The following RIMBP2 variants were observed in gnomAD, a reference collection of about 807,000 sequenced individuals.
RIMBP2 encodes RIMS binding protein 2, also known as RIMS-binding protein 2.
In RIMBP2, 48 loss-of-function variants were observed where a neutral mutation model predicts 118.6. The observed-to-expected ratio is 0.40, with a 90% confidence interval of 0.32 to 0.51. The LOEUF (loss-of-function observed/expected upper bound fraction) is 0.51, where lower values mean the gene tolerates loss of function less well. Ranked by LOEUF, RIMBP2 falls within the 20% of genes least tolerant of loss-of-function variation. The probability of loss-of-function intolerance (pLI) is 0.41; values close to 1 mark genes in which losing one functional copy is unlikely to be tolerated. For missense variants in RIMBP2, 1,551 were observed against 1,768.3 expected, an observed-to-expected ratio of 0.88 and a Z score of 2.20; for synonymous variants, 762 against 742.9, an observed-to-expected ratio of 1.03 and a Z score of -0.42.
At chr12:130,698,315 TTC>T (rs1388380436) in intron 1 of RIMBP2, among the ~76,000 whole-genome samples, 1 of 152,178 alleles carries the variant, frequency 6.6e-6, no homozygotes, top group African/African-American at 2.4e-5. Flanking sequence ...ACTTGCTCAC[TTC>T]AGAAGGCCGT....
chr12:130,561,488 C>T (rs1323875048), intron 2 of RIMBP2, among the ~76,000 whole-genome samples: 2 of 152,146 alleles, frequency 1.3e-5, no homozygotes, highest in Admixed American at 6.5e-5. Context: ...ACCCAATTTC[C>T]ACCTTCTTCT....
At chr12:130,584,506 ACCT>A (rs558966505) in intron 2 of RIMBP2, among the ~76,000 whole-genome samples, 2 of 137,696 alleles carry the variant, frequency 1.5e-5, no homozygotes, top group African/African-American at 2.8e-5. Flanking sequence ...CACCACCATC[ACCT>A]CATCACCACC....
intron 2 of RIMBP2, among the ~76,000 whole-genome samples, chr12:130,624,133 T>A (rs1013593102): frequency 6.6e-6 from 1 of 152,200 alleles, no homozygotes; most frequent in Non-Finnish European, 1.5e-5. Context: ...TGGGTGCCAA[T>A]GTACTCATAG....
chr12:130,406,281 A>G (rs1439332560), intron 20 of RIMBP2, 38 bp from the exon 21 acceptor site: 1 of 1,374,786 alleles, frequency 7.3e-7, no homozygotes, highest in Admixed American at 1.8e-5. Context: ...GTATTTTTCT[A>G]CACAACAGTA....
Position 130,688,833 on chromosome 12 carries a change from C to T in RIMBP2, c.-352+27389G>A, listed in dbSNP as rs7305227. ...ACTGCTCAGCTGAAACGTTTCGAACCAAGTCTAAACTCTGCAAAACGCTGG... is the reference window on the plus strand; with the variant it reads ...ACTGCTCAGCTGAAACGTTTCGAACTAAGTCTAAACTCTGCAAAACGCTGG... On this transcript the variant is annotated intron_variant, in intron 1 of 22. Transcript: ENST00000690449. The surrounding 1 kb of genome is among the most constrained non-coding windows in gnomAD (Gnocchi z 4.7). Among the ~76,000 whole-genome samples, 4,949 of 152,316 alleles carry T rather than the reference C, an allele frequency of 0.032. 275 individuals carry two copies. Among genetic ancestry groups the T allele is most frequent in the African/African-American group, 0.11 (4,623 of 41,544 alleles).
Position 130,523,396 on chromosome 12 carries a change from C to G in RIMBP2, c.-216-5479G>C, listed in dbSNP as rs545711383. ...GGAGAGCTCTGTCATTTAAGCTGCCCGGTCTGTGGGATCCTGCTATGGCAG... is the reference window on the plus strand; with the variant it reads ...GGAGAGCTCTGTCATTTAAGCTGCCGGGTCTGTGGGATCCTGCTATGGCAG... On this transcript the variant is annotated intron_variant, in intron 2 of 22. Coordinates refer to ENST00000690449, the MANE Select transcript of RIMBP2 (RefSeq NM_001393629.1). The surrounding 1 kb of genome is among the most constrained non-coding windows in gnomAD (Gnocchi z 4.4). 2.6e-5 allele frequency among the ~76,000 whole-genome samples: 4 copies of G among 152,174 alleles called. No individual in the cohort carries two copies. The highest frequency in any genetic ancestry group is 2.9e-5 in the Non-Finnish European group (2 of 68,032).
chr12:130,418,517 A>G (rs2136612512), intron 17 of RIMBP2, among the ~76,000 whole-genome samples: 1 of 152,230 alleles, frequency 6.6e-6, no homozygotes, highest in Non-Finnish European at 1.5e-5. Flanking sequence ...GAACTTAATG[A>G]CCATGTCAGT....
In RIMBP2 at chr12:130,644,712, A is replaced by C. The variant is rs553802394; in HGVS notation, c.-351-16256T>G. On this transcript the variant is annotated intron_variant, in intron 1 of 22. Coordinates refer to ENST00000690449, the MANE Select transcript of RIMBP2 (RefSeq NM_001393629.1). ...TAGCGAGTGACGTCGGAAAAGCCAC[A>C]GGACAGAGACCCTGAGCCCTCAGGA... is the stretch of plus-strand genomic sequence containing the variant. 1.2e-4 allele frequency among the ~76,000 whole-genome samples: 18 copies of C among 152,364 alleles called. No homozygotes were observed. The South Asian group carries it at 3.3e-3, about 28-fold the overall frequency.
At chr12:130,530,187 C>T (rs1028719564) in intron 2 of RIMBP2, among the ~76,000 whole-genome samples, 20 of 152,166 alleles carry the variant, frequency 1.3e-4, no homozygotes, top group African/African-American at 4.3e-4. Flanking sequence ...CAATCAACAA[C>T]AATCTGCGCC....
intron 22 of RIMBP2, 75 bp downstream of exon 22, chr12:130,399,604 T>C: frequency 2.7e-6 from 4 of 1,503,926 alleles, no homozygotes; most frequent in Non-Finnish European, 3.6e-6. Context: ...TATAAAAATA[T>C]CAGTGCAAAG....
intron 4 of RIMBP2, among the ~76,000 whole-genome samples, chr12:130,481,956 G>A (rs11060935): frequency 0.56 from 74,414 of 132,958 alleles, 20,730 homozygotes; most frequent in Non-Finnish European, 0.65. Context: ...ACCACCCACC[G>A]CCCACCACCA....
rs35015661 is a variant in RIMBP2 at position 130,409,332 on chromosome 12, C to CTTTTT, written c.3590-1508_3590-1504dup. Reference sequence around the variant, plus strand: ...TAAAAGGGACTCATACAAAATGTAGCTTTTTTTTTTTTTTTTTTTTTTTTT... The same window carrying CTTTTT: ...TAAAAGGGACTCATACAAAATGTAGCTTTTTTTTTTTTTTTTTTTTTTTTTTTTTT... On this transcript the variant is annotated intron_variant, in intron 19 of 22. Transcript: ENST00000690449. Among the ~76,000 whole-genome samples, 115 of 65,402 alleles carry CTTTTT rather than the reference C, an allele frequency of 1.8e-3. 20 individuals carry two copies. The highest frequency in any genetic ancestry group is 0.015 in the Middle Eastern group (1 of 68). 42.9% of individuals were successfully genotyped at this position (65,402 alleles called of 152,430 possible). A position where few individuals can be genotyped will look rare whatever the true frequency, so the allele number is the denominator to read the frequency against.
intron 1 of RIMBP2, among the ~76,000 whole-genome samples, chr12:130,631,310 A>G (rs1241261849): frequency 6.6e-6 from 1 of 152,220 alleles, no homozygotes; most frequent in Non-Finnish European, 1.5e-5. Context: ...ACACAATAAC[A>G]ACGTAACAAC....
At position 130,539,789 on chromosome 12, in the gene RIMBP2, G is replaced by A. The variant is rs540847607; in HGVS notation, c.-216-21872C>T. Among the ~76,000 whole-genome samples the A allele has an allele frequency of 2.1e-4, 18 of 85,524 alleles. 1 individual carries two copies. The South Asian group carries it at 2.4e-3, about 11-fold the overall frequency. 56.1% of individuals were successfully genotyped at this position (85,524 alleles called of 152,430 possible). ...ATGAAGTGGCCAGGTGTAGGATATG[G>A]CAAATGCAGTCCATGAGGTGGCCAG... On this transcript the variant is annotated intron_variant, in intron 2 of 22. Transcript: ENST00000690449.
chr12:130,646,068 TCTC>T (rs200005779), intron 1 of RIMBP2, among the ~76,000 whole-genome samples: 14 of 134,374 alleles, frequency 1.0e-4, no homozygotes, highest in East Asian at 2.3e-4. Context: ...ACCACCTGCC[TCTC>T]CACCTCCCTC....
chr12:130,512,249 C>T (rs1007848509), intron 3 of RIMBP2, among the ~76,000 whole-genome samples: 1 of 152,088 alleles, frequency 6.6e-6, no homozygotes, highest in African/African-American at 2.4e-5. Flanking sequence ...TGACAAATGC[C>T]CTGGCCTCTG....
chr12:130,549,476 C>G (rs2139691585), intron 2 of RIMBP2, among the ~76,000 whole-genome samples: 2 of 152,222 alleles, frequency 1.3e-5, no homozygotes, highest in Middle Eastern at 6.8e-3. Context: ...AGGAATTAAG[C>G]CCAGTACTCA....
chr12:130,645,318 C>T (rs2062812968), intron 1 of RIMBP2, among the ~76,000 whole-genome samples: 1 of 152,160 alleles, frequency 6.6e-6, no homozygotes. Flanking sequence ...CTCTACAAAT[C>T]ACAGCTTTTA....
intron 1 of RIMBP2, among the ~76,000 whole-genome samples, chr12:130,664,415 A>ACACGCACGCACACGCACACACACGCACG (rs1555320883): frequency 9.2e-5 from 12 of 130,492 alleles, no homozygotes; most frequent in Admixed American, 3.1e-4. Context: ...ACGCACGCAC[A>ACACGCACGCACACGCACACACACGCACG]CACACGCACA....
Sources: allele counts gnomAD v4.1 joint callset (sites outside exome capture counted in the v4.1 genomes callset), GRCh38; gene constraint gnomAD v4.1.1; non-coding constraint Gnocchi (gnomAD v3.1); transcripts MANE v1.5; gene names NCBI Gene and HGNC (gene_info 2026-07-23, HGNC 2026-07-21).